The following PXDNL variants were observed in gnomAD, a reference collection of about 807,000 sequenced individuals.
PXDNL encodes peroxidasin like.
A neutral mutation model predicts 150.8 loss-of-function variants in PXDNL; 145 were observed. The observed-to-expected ratio is 0.96, with a 90% CI of 0.84 to 1.10. The LOEUF (loss-of-function observed/expected upper bound fraction) is 1.10. PXDNL is among the 50% of genes least tolerant of loss of function. PXDNL has a pLI of 0.00. For missense variants in PXDNL, 2,087 were observed against 1,873.9 expected (o/e 1.11, Z -2.10); for synonymous variants, 757 against 725.7 (o/e 1.04, Z -0.69).
chr8:51,674,925 A>T (rs902734576), intron 1 of PXDNL, among the ~76,000 whole-genome samples: 1 of 152,208 alleles, frequency 6.6e-6, no homozygotes, highest in Non-Finnish European at 1.5e-5. Context: ...GACAAATTAC[A>T]TTATTTCCCC....
In PXDNL at chr8:51,426,627, C is replaced by A; in HGVS notation, c.1638+19G>T. On this transcript the variant is annotated intron_variant, in intron 13 of 22. Transcript: ENST00000356297. The stretch of plus-strand genomic sequence containing the variant: ...TGTCAGTGTTTTTAATATTACTGTA[C>A]TTTTAGTTGAGATCTTACCTTATTC... 1.5e-6 allele frequency: 2 copies of A among 1,357,960 alleles called. No homozygotes were observed. Among genetic ancestry groups the A allele is most frequent in the Non-Finnish European group, 2.1e-6 (2 of 958,528 alleles). The allele number at this position is 1,357,960 out of a possible 1,614,324, so 84.1% of individuals were successfully genotyped here.
chr8:51,704,243 T>G (rs1816317448), intron 1 of PXDNL, among the ~76,000 whole-genome samples: 1 of 152,248 alleles, frequency 6.6e-6, no homozygotes, highest in Non-Finnish European at 1.5e-5. Context: ...TGTGGGATCA[T>G]ATGCATATAT....
At chr8:51,626,280 G>T (rs1814359186) in intron 2 of PXDNL, among the ~76,000 whole-genome samples, 2 of 152,146 alleles carry the variant, frequency 1.3e-5, no homozygotes, top group South Asian at 4.1e-4. Context: ...CATAAACCGT[G>T]CAACCTTAGT....
chr8:51,448,064 T>C (rs1317098694), intron 11 of PXDNL, among the ~76,000 whole-genome samples: 1 of 152,188 alleles, frequency 6.6e-6, no homozygotes, highest in Non-Finnish European at 1.5e-5. Context: ...TCATAAAGAA[T>C]AGAGCAAAAA....
At chr8:51,517,150 A>T (rs4319087) in intron 4 of PXDNL, among the ~76,000 whole-genome samples, 21,723 of 151,966 alleles carry the variant, frequency 0.14, 1,758 homozygotes, top group East Asian at 0.24. Context: ...TAACTTTTTT[A>T]AAAAATCTAG....
chr8:51,550,057 C>T lies in PXDNL; in HGVS notation c.380+6783G>A, dbSNP rs919625469. Among the ~76,000 whole-genome samples the T allele has an allele frequency of 3.9e-5, 6 of 152,012 alleles. 1 individual carries two copies. The highest frequency in any genetic ancestry group is 1.3e-4 in the Admixed American group (2 of 15,256). ...CACTTGAGGCTACTATGAGCACATT[C>T]GTGTGCATAGACTAGAAAACCTAGA... On this transcript the variant is annotated intron_variant, in intron 4 of 22. Coordinates refer to ENST00000356297, the MANE Select transcript of PXDNL (RefSeq NM_144651.5).
intron 2 of PXDNL, among the ~76,000 whole-genome samples, chr8:51,651,253 C>T (rs771759934): frequency 7.9e-5 from 12 of 152,064 alleles, no homozygotes; most frequent in South Asian, 2.1e-4. Flanking sequence ...GGAAGCGATT[C>T]GGCCAAATTA....
rs1586020683 is a variant in PXDNL at position 51,347,735 on chromosome 8, GC to G, written c.3902-1789del. ...TGAGATTACTGTCATGAGCCACCGCGCCCGACCTATTGCTACTTTTATAACG... is the reference window on the plus strand; with the variant it reads ...TGAGATTACTGTCATGAGCCACCGCGCCGACCTATTGCTACTTTTATAACG... On this transcript the variant is annotated intron_variant, in intron 19 of 22. Transcript: ENST00000356297. Among the ~76,000 whole-genome samples, 3 of 148,492 alleles carry G rather than the reference GC, an allele frequency of 2.0e-5. No individual in the cohort carries two copies. The East Asian group carries it at 5.8e-4, about 29-fold the overall frequency.
At chr8:51,346,955 C>G (rs1806180667) in intron 19 of PXDNL, among the ~76,000 whole-genome samples, 1 of 151,908 alleles carries the variant, frequency 6.6e-6, no homozygotes. Flanking sequence ...CATATGAAAA[C>G]AGATGGTCTG....
chr8:51,487,674 A>G (rs1178523602), intron 5 of PXDNL, among the ~76,000 whole-genome samples: 2 of 152,176 alleles, frequency 1.3e-5, no homozygotes, highest in Non-Finnish European at 2.9e-5. Flanking sequence ...TAGTAGTAAG[A>G]AGTTGATTGT....
At chr8:51,574,614 A>G (rs1813011848) in intron 3 of PXDNL, among the ~76,000 whole-genome samples, 1 of 152,102 alleles carries the variant, frequency 6.6e-6, no homozygotes, top group African/African-American at 2.4e-5. Context: ...AATCTAAATC[A>G]AGATACTTCA....
intron 4 of PXDNL, among the ~76,000 whole-genome samples, chr8:51,501,980 C>T (rs892193971): frequency 6.6e-6 from 1 of 152,202 alleles, no homozygotes; most frequent in Admixed American, 6.5e-5. Context: ...TCTGTGTATA[C>T]TGGACAGGCC....
rs754362945 is a variant in PXDNL, at chr8:51,409,024, G to A, written c.2600C>T (p.Pro867Leu). Residue 867 changes from proline (P) to leucine (L), a missense_variant, in exon 17 of 23, where the codon CCC becomes CTC. Physicochemically the swap from Pro to Leu is moderately conservative, Grantham distance 98. Transcript: ENST00000356297. Reference sequence around the variant, plus strand: ...AGAGGGACGGCCGCTGGCACACGCGGGGCTGGAGCGCGCGAAGAGCATGCA... The same window carrying A: ...AGAGGGACGGCCGCTGGCACACGCGAGGCTGGAGCGCGCGAAGAGCATGCA... Reference protein sequence around the residue: ...APCMLFARSSPACASGRPSAT... With the variant: ...APCMLFARSSLACASGRPSAT... The A allele has an allele frequency of 2.5e-6, 4 of 1,610,642 alleles. No homozygotes were observed. Among genetic ancestry groups the A allele is most frequent in the Non-Finnish European group, 3.4e-6 (4 of 1,179,790 alleles).
intron 3 of PXDNL, among the ~76,000 whole-genome samples, chr8:51,561,679 G>A (rs1013271725): frequency 1.1e-4 from 17 of 151,838 alleles, no homozygotes; most frequent in Admixed American, 2.0e-4. Context: ...TAGTAAACTC[G>A]TGGTGACAGA....
intron 17 of PXDNL, among the ~76,000 whole-genome samples, chr8:51,385,000 A>G (rs1807656307): frequency 6.6e-6 from 1 of 152,178 alleles, no homozygotes; most frequent in African/African-American, 2.4e-5. Context: ...AGACAGAGAT[A>G]AGTCCAGGCA....
At chr8:51,432,891 T>C (rs1273798598) in intron 12 of PXDNL, among the ~76,000 whole-genome samples, 2 of 152,190 alleles carry the variant, frequency 1.3e-5, no homozygotes, top group African/African-American at 4.8e-5. Flanking sequence ...ATTGAGTACA[T>C]GCAATCTTCT....
rs1249706092 is a variant in PXDNL, at chr8:51,704,085, C to T, written c.165-49325G>A. Among the ~76,000 whole-genome samples the T allele has an allele frequency of 2.0e-5, 3 of 152,168 alleles. 1 individual carries two copies. Among genetic ancestry groups the T allele is most frequent in the African/African-American group, 4.8e-5 (2 of 41,442 alleles). On this transcript the variant is annotated intron_variant, in intron 1 of 22. Transcript: ENST00000356297. Reference sequence around the variant, plus strand: ...ACATTGAAGTCCCATGTATGTGCCCCTTTCTGGTCTCATGCTCCCATAGAG... The same window carrying T: ...ACATTGAAGTCCCATGTATGTGCCCTTTTCTGGTCTCATGCTCCCATAGAG...
intron 4 of PXDNL, among the ~76,000 whole-genome samples, chr8:51,542,449 A>C (rs913580341): frequency 9.2e-5 from 14 of 151,662 alleles, no homozygotes; most frequent in Admixed American, 2.0e-4. Flanking sequence ...ATAGAATTAG[A>C]TTAGATCACG....
rs377257351 is a variant in PXDNL at position 51,392,219 on chromosome 8, T to C, written c.3557+15848A>G. On this transcript the variant is annotated intron_variant, in intron 17 of 22. Transcript: ENST00000356297. ...TTGGCTTAGGATTGACTTGGTGATGTGGGCTCTTTTTTGGTTCCATATGAA... is the reference window on the plus strand; with the variant it reads ...TTGGCTTAGGATTGACTTGGTGATGCGGGCTCTTTTTTGGTTCCATATGAA... Among the ~76,000 whole-genome samples the C allele has an allele frequency of 5.8e-3, 889 of 152,238 alleles. 24 individuals carry two copies. The highest frequency in any genetic ancestry group is 0.043 in the Admixed American group (662 of 15,284).
Sources: allele counts gnomAD v4.1 joint callset (sites outside exome capture counted in the v4.1 genomes callset), GRCh38; gene constraint gnomAD v4.1.1; transcripts MANE v1.5; gene names NCBI Gene and HGNC (gene_info 2026-07-23, HGNC 2026-07-21).